The following TSPAN9 variants were observed in gnomAD, a reference collection of about 807,000 sequenced individuals.
The protein encoded by TSPAN9 is tetraspanin 9.
TSPAN9 carries 16 observed loss-of-function variants against 31.0 expected under a neutral mutation model. The observed-to-expected ratio is 0.52, with a 90% CI of 0.35 to 0.78. The LOEUF (loss-of-function observed/expected upper bound fraction) is 0.78, where lower values mean the gene tolerates loss of function less well. Ranked by LOEUF, TSPAN9 falls within the 30% of genes least tolerant of loss-of-function variation. The pLI is 0.01. For missense variants in TSPAN9, 272 were observed against 312.5 expected (o/e 0.87, Z 0.98); for synonymous variants, 145 against 121.6 (o/e 1.19, Z -1.27).
chr12:3,209,822 G>A (rs559571185), intron 3 of TSPAN9, among the ~76,000 whole-genome samples: 10 of 152,200 alleles, frequency 6.6e-5, no homozygotes, highest in Admixed American at 1.3e-4. Flanking sequence ...AGCCGGGCGC[G>A]GTGGTGGGCG....
chr12:3,174,305 G>A (rs2098353794), intron 2 of TSPAN9, among the ~76,000 whole-genome samples: 1 of 152,178 alleles, frequency 6.6e-6, no homozygotes, highest in Non-Finnish European at 1.5e-5. Flanking sequence ...GGCCTCAAGC[G>A]ATCCTCCCAC....
Position 3,272,167 on chromosome 12 carries a change from G to GC in TSPAN9, c.64-6251dup, listed in dbSNP as rs1862691705. Among the ~76,000 whole-genome samples the GC allele has an allele frequency of 2.0e-5, 3 of 152,308 alleles. No homozygotes were observed. In the South Asian group the frequency reaches 6.2e-4, roughly 32 times the overall value. ...CCACCAGTGACATCTGATGCCAGAA[G>GC]CCCAGGTGCCTTGTGGGGCTCTGCA... is the stretch of plus-strand genomic sequence containing the variant. On this transcript the variant is annotated intron_variant, in intron 3 of 8. Coordinates refer to ENST00000011898, the MANE Select transcript of TSPAN9 (RefSeq NM_006675.5).
At chr12:3,222,636 C>T (rs1464235074) in intron 3 of TSPAN9, among the ~76,000 whole-genome samples, 1 of 152,152 alleles carries the variant, frequency 6.6e-6, no homozygotes. Flanking sequence ...ATGGATGGCT[C>T]ATTTTGTGTC....
At chr12:3,086,282 C>T (rs896909717) in intron 2 of TSPAN9, among the ~76,000 whole-genome samples, 2 of 151,846 alleles carry the variant, frequency 1.3e-5, no homozygotes, top group African/African-American at 2.4e-5. Context: ...GAGTTGGGAG[C>T]ACGATCCTAT....
In TSPAN9 at chr12:3,283,212, C is replaced by T. The variant is rs1591725579; in HGVS notation, c.*96C>T. 1.9e-5 allele frequency: 25 copies of T among 1,295,658 alleles called. No individual in the cohort carries two copies. The East Asian group carries it at 4.0e-4, about 21-fold the overall frequency. 80.3% of individuals were successfully genotyped at this position (1,295,658 alleles called of 1,614,324 possible). A position where few individuals can be genotyped will look rare whatever the true frequency, so the allele number is the denominator to read the frequency against. ...CTGCCTGCGCTCTCCAGATATGACC[C>T]CTGCACCCACCCCCCACAGCCTGCC... On this transcript the variant is annotated 3_prime_UTR_variant, in exon 9 of 9. Coordinates refer to ENST00000011898, the MANE Select transcript of TSPAN9 (RefSeq NM_006675.5).
rs1862836241 is a variant in TSPAN9, at chr12:3,278,540, C to T, written c.183C>T (p.Gly61=). The stretch of plus-strand genomic sequence containing the variant: ...CAGCCAACCTGGTCATTGCCATAGG[C>T]ACCATTGTCATGGTGACGGGCTTCC... ...LSAANLVIAI[G]TIVMVTGFLG... The change falls in exon 4 of 9, where the codon GGC becomes GGT. Residue 61 remains glycine (G), a synonymous_variant. Coordinates refer to ENST00000011898, the MANE Select transcript of TSPAN9 (RefSeq NM_006675.5). 6.2e-7 allele frequency: 1 copy of T among 1,614,110 alleles called. No homozygotes were observed. The highest frequency in any genetic ancestry group is 1.3e-5 in the African/African-American group (1 of 74,948).
intron 2 of TSPAN9, among the ~76,000 whole-genome samples, chr12:3,154,874 A>G (rs376936923): frequency 1.4e-4 from 22 of 152,322 alleles, no homozygotes; most frequent in African/African-American, 5.3e-4. Flanking sequence ...TTAGGGTGCC[A>G]GTGGTTGAAC....
chr12:3,145,118 G>A (rs1309375516), intron 2 of TSPAN9, among the ~76,000 whole-genome samples: 1 of 152,148 alleles, frequency 6.6e-6, no homozygotes, highest in Non-Finnish European at 1.5e-5. Context: ...TCCCTTGTGA[G>A]CACACAGTGC....
At chr12:3,104,026 G>A (rs1309312645) in intron 2 of TSPAN9, among the ~76,000 whole-genome samples, 2 of 152,268 alleles carry the variant, frequency 1.3e-5, no homozygotes, top group East Asian at 3.9e-4. Context: ...TGGCATTTCA[G>A]GAGAGACTGG....
rs112111548 is a variant in TSPAN9 at position 3,170,615 on chromosome 12, G to T, written c.-17-30562G>T. On this transcript the variant is annotated intron_variant, in intron 2 of 8. Coordinates refer to ENST00000011898, the MANE Select transcript of TSPAN9 (RefSeq NM_006675.5). This position sits in a 1 kb window ranked among gnomAD's most constrained non-coding sequence, Gnocchi z 4.4. ...GTGGGGGGGTCGTGATGGGGGAGCA[G>T]ATGGCCCTGGTCATGCATGTGGCTT... 3.0e-3 allele frequency among the ~76,000 whole-genome samples: 457 copies of T among 152,200 alleles called. 2 individuals are homozygous for T. The highest frequency in any genetic ancestry group is 0.011 in the African/African-American group (440 of 41,508).
intron 2 of TSPAN9, among the ~76,000 whole-genome samples, chr12:3,089,105 G>C (rs1482840130): frequency 6.6e-6 from 1 of 151,324 alleles, no homozygotes; most frequent in Admixed American, 6.6e-5. Context: ...GGTGGCGGGC[G>C]CCTGTAGTCC....
intron 2 of TSPAN9, among the ~76,000 whole-genome samples, chr12:3,108,737 T>C (rs1184495565): frequency 6.6e-6 from 1 of 152,194 alleles, no homozygotes; most frequent in Non-Finnish European, 1.5e-5. Flanking sequence ...CCCCCTCCTT[T>C]CCTTTCCTGG....
At chr12:3,212,950 T>C (rs2098379510) in intron 3 of TSPAN9, among the ~76,000 whole-genome samples, 1 of 151,746 alleles carries the variant, frequency 6.6e-6, no homozygotes, top group Non-Finnish European at 1.5e-5. Flanking sequence ...GTGAAGGGAT[T>C]GTGGACAAGC....
rs1268664049 is a variant in TSPAN9 at position 3,253,171 on chromosome 12, T to G, written c.64-25250T>G. Reference sequence around the variant, plus strand: ...GAGCCTGTCGTACTGCTTCATGTATTACAGTCTCTCTCTCCCACCAGCCCA... The same window carrying G: ...GAGCCTGTCGTACTGCTTCATGTATGACAGTCTCTCTCTCCCACCAGCCCA... On this transcript the variant is annotated intron_variant, in intron 3 of 8. Transcript: ENST00000011898. Among the ~76,000 whole-genome samples the G allele has an allele frequency of 2.6e-5, 4 of 152,136 alleles. No homozygotes were observed. The East Asian group carries it at 7.7e-4, about 29-fold the overall frequency.
At chr12:3,225,667 A>G (rs2098386823) in intron 3 of TSPAN9, among the ~76,000 whole-genome samples, 1 of 151,766 alleles carries the variant, frequency 6.6e-6, no homozygotes, top group Non-Finnish European at 1.5e-5. Context: ...AAGTGGGCAG[A>G]CGGCCCCCCG....
chr12:3,207,504 G>C (rs1325839202), intron 3 of TSPAN9, among the ~76,000 whole-genome samples: 1 of 152,106 alleles, frequency 6.6e-6, no homozygotes, highest in Non-Finnish European at 1.5e-5. Context: ...GGTCAGGCGG[G>C]GGAGCAGCAC....
intron 3 of TSPAN9, among the ~76,000 whole-genome samples, chr12:3,271,750 T>A (rs1446046720): frequency 6.6e-6 from 1 of 152,144 alleles, no homozygotes; most frequent in African/African-American, 2.4e-5. Context: ...CTCTCTTGCC[T>A]TCCCTGCCCC....
intron 2 of TSPAN9, among the ~76,000 whole-genome samples, chr12:3,174,804 G>T (rs113177191): frequency 4.0e-5 from 6 of 149,986 alleles, no homozygotes; most frequent in African/African-American, 7.3e-5. Context: ...GGATGGTCTC[G>T]ATCTCCTGAC....
chr12:3,259,093 G>A (rs530024384), intron 3 of TSPAN9, among the ~76,000 whole-genome samples: 1 of 152,342 alleles, frequency 6.6e-6, no homozygotes, highest in South Asian at 2.1e-4. Context: ...TGCTTATTTA[G>A]CCTATTAGTT....
Sources: gnomAD v4.1 joint callset for allele counts (sites outside exome capture counted in the v4.1 genomes callset) on GRCh38, gnomAD v4.1.1 for gene constraint, Gnocchi (gnomAD v3.1) non-coding constraint, MANE v1.5 for transcripts, NCBI Gene and HGNC (gene_info 2026-07-23, HGNC 2026-07-21) for gene names.